The following KIAA1328 variants were observed in gnomAD, a reference collection of about 807,000 sequenced individuals.
KIAA1328 encodes KIAA1328, also known as protein hinderin.
In KIAA1328, 52 loss-of-function variants were observed where a neutral mutation model predicts 68.1. The ratio of observed to expected loss-of-function variants is 0.76; its 90% CI spans 0.61 to 0.96. The LOEUF (loss-of-function observed/expected upper bound fraction) is 0.96. Ranked by LOEUF, KIAA1328 falls within the 40% of genes least tolerant of loss-of-function variation. KIAA1328 has a pLI of 0.00. For synonymous variants in KIAA1328, 232 were observed against 239.4 expected (o/e 0.97, Z 0.28); for missense variants, 641 against 677.6 (o/e 0.95, Z 0.60).
intron 9 of KIAA1328, among the ~76,000 whole-genome samples, chr18:37,196,111 A>T (rs905860492): frequency 2.2e-4 from 33 of 152,114 alleles, no homozygotes; most frequent in Non-Finnish European, 4.1e-4. Flanking sequence ...ATAGTATGGA[A>T]ACACTACTGA....
At chr18:36,909,879 G>A (rs2049367150) in intron 5 of KIAA1328, among the ~76,000 whole-genome samples, 1 of 152,274 alleles carries the variant, frequency 6.6e-6, no homozygotes, top group South Asian at 2.1e-4. Flanking sequence ...TTCTCTGATG[G>A]CTAGTGATGA....
chr18:37,204,664 C>G (rs945931976), intron 9 of KIAA1328, among the ~76,000 whole-genome samples: 1 of 151,154 alleles, frequency 6.6e-6, no homozygotes, highest in African/African-American at 2.4e-5. Context: ...TTTAAGCTTT[C>G]CAAAAGGCCA....
chr18:36,934,839 G>A (rs570728951), intron 5 of KIAA1328, among the ~76,000 whole-genome samples: 15 of 152,210 alleles, frequency 9.9e-5, no homozygotes, highest in South Asian at 8.3e-4. Flanking sequence ...TTGTTGCTTC[G>A]TCTTTGTTAC....
intron 7 of KIAA1328, among the ~76,000 whole-genome samples, chr18:37,120,538 A>C (rs966777079): frequency 5.3e-5 from 8 of 152,170 alleles, no homozygotes; most frequent in Admixed American, 3.3e-4. Flanking sequence ...CTTTGTTAGT[A>C]AAGTTGGTAA....
At chr18:36,945,390 C>T (rs991837845) in intron 5 of KIAA1328, among the ~76,000 whole-genome samples, 18 of 151,922 alleles carry the variant, frequency 1.2e-4, no homozygotes, top group African/African-American at 3.6e-4. Context: ...AGACAATAAC[C>T]GCCCCCCCCA....
chr18:37,012,600 C>T (rs2054014660), intron 6 of KIAA1328, among the ~76,000 whole-genome samples: 1 of 152,132 alleles, frequency 6.6e-6, no homozygotes, highest in South Asian at 2.1e-4. Context: ...CCTCAGTAGT[C>T]AACACAGTAT....
intron 6 of KIAA1328, among the ~76,000 whole-genome samples, chr18:36,978,652 T>C: frequency 6.6e-6 from 1 of 152,214 alleles, no homozygotes; most frequent in East Asian, 1.9e-4. Flanking sequence ...AATAGAAATA[T>C]AGTATACTGT....
intron 9 of KIAA1328, among the ~76,000 whole-genome samples, chr18:37,203,774 T>A (rs1300498390): frequency 1.3e-5 from 2 of 151,684 alleles, no homozygotes; most frequent in African/African-American, 4.8e-5. Flanking sequence ...ACATATGCCC[T>A]CAGGCCTTTC....
intron 7 of KIAA1328, among the ~76,000 whole-genome samples, chr18:37,081,345 C>G (rs1172264641): frequency 1.3e-5 from 2 of 152,172 alleles, no homozygotes; most frequent in African/African-American, 4.8e-5. Context: ...CATGTTTTAT[C>G]ATAGTTAGCT....
intron 9 of KIAA1328, among the ~76,000 whole-genome samples, chr18:37,216,263 G>C (rs530473596): frequency 3.3e-5 from 5 of 152,162 alleles, no homozygotes; most frequent in South Asian, 2.1e-4. Flanking sequence ...GATCTTTCCT[G>C]CTTTCTCTTG....
chr18:36,950,168 G>A (rs2051101862), intron 5 of KIAA1328, among the ~76,000 whole-genome samples: 1 of 151,776 alleles, frequency 6.6e-6, no homozygotes, highest in Non-Finnish European at 1.5e-5. Flanking sequence ...TTTTTCAAAA[G>A]GGAGAAAAGA....
chr18:37,097,035 T>G (rs1436640736), intron 7 of KIAA1328, among the ~76,000 whole-genome samples: 1 of 152,074 alleles, frequency 6.6e-6, no homozygotes, highest in South Asian at 2.1e-4. Flanking sequence ...GCCTGTTCAC[T>G]CTGATGGTAG....
At chr18:37,116,008 A>C (rs2058095145) in intron 7 of KIAA1328, among the ~76,000 whole-genome samples, 1 of 152,262 alleles carries the variant, frequency 6.6e-6, no homozygotes, top group South Asian at 2.1e-4. Flanking sequence ...ATGAAATAAA[A>C]GAGGACACAA....
chr18:37,025,153 G>C (rs2054516659), intron 6 of KIAA1328, among the ~76,000 whole-genome samples: 1 of 151,980 alleles, frequency 6.6e-6, no homozygotes, highest in South Asian at 2.1e-4. Flanking sequence ...TTTCTGAAGG[G>C]ATCAATTCAA....
chr18:37,095,445 T>A (rs1276016626), intron 7 of KIAA1328, among the ~76,000 whole-genome samples: 2 of 152,048 alleles, frequency 1.3e-5, no homozygotes, highest in African/African-American at 2.4e-5. Flanking sequence ...AAAATGTACA[T>A]ATGTACAGAA....
intron 5 of KIAA1328, among the ~76,000 whole-genome samples, chr18:36,939,043 T>G (rs956480492): frequency 3.9e-5 from 6 of 152,198 alleles, no homozygotes; most frequent in African/African-American, 1.4e-4. Context: ...AGCTTTGTTC[T>G]TGTTGCTCAA....
chr18:37,044,540 G>A (rs1287624969), intron 6 of KIAA1328, among the ~76,000 whole-genome samples: 5 of 152,144 alleles, frequency 3.3e-5, no homozygotes, highest in African/African-American at 1.2e-4. Context: ...GCTCATGCCT[G>A]TAATCCCAGC....
intron 9 of KIAA1328, among the ~76,000 whole-genome samples, chr18:37,218,468 TG>T (rs1351148488): frequency 6.6e-6 from 1 of 152,198 alleles, no homozygotes; most frequent in African/African-American, 2.4e-5. Context: ...TGTATTCATA[TG>T]GGAAACATGG....
At chr18:37,121,186 A>G (rs1351936809) in intron 7 of KIAA1328, among the ~76,000 whole-genome samples, 1 of 152,184 alleles carries the variant, frequency 6.6e-6, no homozygotes, top group Non-Finnish European at 1.5e-5. Flanking sequence ...TATGTAAAGG[A>G]GGAGGAACAG....
Sources: gnomAD v4.1 joint callset for allele counts (sites outside exome capture counted in the v4.1 genomes callset) on GRCh38, gnomAD v4.1.1 for gene constraint, MANE v1.5 for transcripts, NCBI Gene and HGNC (gene_info 2026-07-23, HGNC 2026-07-21) for gene names.